The following ETV1 variants were observed in gnomAD, a reference collection of about 807,000 sequenced individuals.
The protein encoded by ETV1 is ETS variant transcription factor 1, also known as ETS translocation variant 1.
In ETV1, 27 loss-of-function variants were observed where a neutral mutation model predicts 62.3. That is an observed-to-expected ratio of 0.43 (90% CI 0.32 to 0.60). The LOEUF is 0.60. Ranked by LOEUF, ETV1 falls within the 20% of genes least tolerant of loss-of-function variation. The pLI, the probability that ETV1 is intolerant of heterozygous loss-of-function variation, is 0.06. For synonymous variants in ETV1, 222 were observed against 199.6 expected (o/e 1.11, Z -0.94); for missense variants, 605 against 605.8 (o/e 1.00, Z 0.01).
At chr7:13,989,497 T>C in intron 1 of ETV1, 33 bp from the exon 2 acceptor site, 1 of 402,230 alleles carries the variant, frequency 2.5e-6, no homozygotes, top group Non-Finnish European at 4.4e-6. Context: ...TTCATCAGGA[T>C]AGTTTTTGCG....
chr7:13,891,634 A>G lies in ETV1; in HGVS notation c.*4232T>C, dbSNP rs900457090. On this transcript the variant is annotated 3_prime_UTR_variant, in exon 14 of 14. Coordinates refer to ENST00000430479, the MANE Select transcript of ETV1 (RefSeq NM_004956.5). The stretch of plus-strand genomic sequence containing the variant: ...ATATAAAAAAAGAAGTCCTAAAAGT[A>G]CTAGTTGAGCTCTGAATAAACTGGG... 1 of 231,950 alleles carries G rather than the reference A, an allele frequency of 4.3e-6. No homozygotes were observed. Among genetic ancestry groups the G allele is most frequent in the Non-Finnish European group, 8.5e-6 (1 of 117,366 alleles). 14.4% of individuals were successfully genotyped at this position (231,950 alleles called of 1,614,324 possible).
chr7:13,901,307 G>A (rs995332040), intron 12 of ETV1, among the ~76,000 whole-genome samples: 2 of 152,126 alleles, frequency 1.3e-5, no homozygotes, highest in African/African-American at 4.8e-5. Flanking sequence ...GCCTGGCCTG[G>A]TTTGCATTTT....
chr7:13,905,990 C>G (rs1045773879), intron 12 of ETV1, among the ~76,000 whole-genome samples: 1 of 152,160 alleles, frequency 6.6e-6, no homozygotes, highest in East Asian at 1.9e-4. Flanking sequence ...CTCTCCAACC[C>G]TCATGACAAA....
chr7:13,944,256 G>C (rs1315855645), intron 6 of ETV1, among the ~76,000 whole-genome samples: 1 of 152,168 alleles, frequency 6.6e-6, no homozygotes, highest in African/African-American at 2.4e-5. Context: ...AGACCGTATG[G>C]TTTATAAACA....
At chr7:13,988,754 C>T in intron 3 of ETV1, 1 of 1,612,486 alleles carries the variant, frequency 6.2e-7, no homozygotes, top group Non-Finnish European at 8.5e-7. Flanking sequence ...CCTCCATCTC[C>T]TCTTCCACTC....
upstream of ETV1, chr7:13,991,001 A>T (rs987563335): frequency 6.6e-6 from 1 of 152,520 alleles, no homozygotes; most frequent in African/African-American, 2.4e-5. Context: ...TACTTAAAAA[A>T]GAAGCAAACA....
At chr7:13,916,961 G>C (rs143279959) in intron 9 of ETV1, among the ~76,000 whole-genome samples, 1 of 150,926 alleles carries the variant, frequency 6.6e-6, no homozygotes, top group African/African-American at 2.4e-5. Context: ...GTAAAGTAAA[G>C]AAAGAAAAAG....
chr7:13,933,495 C>G (rs1298260156), intron 8 of ETV1, among the ~76,000 whole-genome samples: 2 of 152,120 alleles, frequency 1.3e-5, no homozygotes, highest in Non-Finnish European at 2.9e-5. Context: ...ACAGTGGGTT[C>G]AGGAAAAAGT....
chr7:13,974,198 G>C (rs1010110678), intron 6 of ETV1, among the ~76,000 whole-genome samples: 6 of 152,206 alleles, frequency 3.9e-5, no homozygotes, highest in African/African-American at 1.4e-4. Context: ...GAAATAGGAG[G>C]TTCACCAGAT....
intron 6 of ETV1, among the ~76,000 whole-genome samples, chr7:13,966,449 A>G (rs1363124485): frequency 6.6e-6 from 1 of 152,116 alleles, no homozygotes; most frequent in Non-Finnish European, 1.5e-5. Flanking sequence ...CATGGGCAAC[A>G]TGGCAAAACC....
chr7:13,936,920 T>C (rs977199729), intron 7 of ETV1, among the ~76,000 whole-genome samples: 2 of 152,084 alleles, frequency 1.3e-5, no homozygotes, highest in Non-Finnish European at 2.9e-5. Context: ...TGCATGTCTG[T>C]AGGCTCAGAT....
chr7:13,920,441 A>AGTGAGTGT (rs1554295796), intron 9 of ETV1, among the ~76,000 whole-genome samples: 5 of 148,430 alleles, frequency 3.4e-5, no homozygotes, highest in East Asian at 2.0e-4. Context: ...AGAGTGAGTG[A>AGTGAGTGT]GTGTGTGTGT....
chr7:13,961,308 CTT>C (rs1790142704), intron 6 of ETV1, among the ~76,000 whole-genome samples: 1 of 152,102 alleles, frequency 6.6e-6, no homozygotes, highest in African/African-American at 2.4e-5. Context: ...ATAAGGTGAT[CTT>C]TGGTCATTCA....
At chr7:13,934,642 G>T (rs1786578042) in intron 8 of ETV1, among the ~76,000 whole-genome samples, 1 of 152,122 alleles carries the variant, frequency 6.6e-6, no homozygotes, top group Non-Finnish European at 1.5e-5. Context: ...AAAAACAGAA[G>T]ATAAAAATGC....
At chr7:13,961,675 A>T (rs566408332) in intron 6 of ETV1, among the ~76,000 whole-genome samples, 88 of 152,338 alleles carry the variant, frequency 5.8e-4, no homozygotes, top group African/African-American at 2.0e-3. Context: ...AGACCCACAA[A>T]TTAGGGTGTC....
In ETV1 at chr7:13,989,636, C is replaced by T. The variant is rs1583925284; in HGVS notation, c.-358G>A. The T allele has an allele frequency of 2.5e-6, 1 of 399,110 alleles. No individual in the cohort carries two copies. The highest frequency in any genetic ancestry group is 3.6e-5 in the East Asian group (1 of 28,060). 24.7% of individuals were successfully genotyped at this position (399,110 alleles called of 1,614,324 possible). ...AATAAAAACATTAATTATAGCCCAG[C>T]ACTTCCCCCTTGGAAGCCGAAAGCG... On this transcript the variant is annotated 5_prime_UTR_variant, in exon 1 of 14. Coordinates refer to ENST00000430479, the MANE Select transcript of ETV1 (RefSeq NM_004956.5).
rs58090948 is a variant in ETV1, at chr7:13,963,593, T to C, written c.235+13834A>G. Among the ~76,000 whole-genome samples, 1,051 of 151,818 alleles carry C rather than the reference T, an allele frequency of 6.9e-3. 10 individuals carry two copies. Among genetic ancestry groups the C allele is most frequent in the African/African-American group, 0.024 (987 of 41,442 alleles). On this transcript the variant is annotated intron_variant, in intron 6 of 13. Coordinates refer to ENST00000430479, the MANE Select transcript of ETV1 (RefSeq NM_004956.5). ...CGTATATATAGAGAGAGAAGTTTACTGATGACTTCTCATTTTCTTAGAATT... is the reference window on the plus strand; with the variant it reads ...CGTATATATAGAGAGAGAAGTTTACCGATGACTTCTCATTTTCTTAGAATT...
intron 12 of ETV1, among the ~76,000 whole-genome samples, 187 bp from the exon 13 acceptor site, chr7:13,901,026 CAG>C (rs1782364902): frequency 7.3e-6 from 1 of 136,624 alleles, no homozygotes; most frequent in Non-Finnish European, 1.5e-5. Context: ...TTTTTTGAAA[CAG>C]AGTCTTGCTC....
chr7:13,960,909 G>T lies in ETV1; in HGVS notation c.235+16518C>A, dbSNP rs575302386. Among the ~76,000 whole-genome samples the T allele has an allele frequency of 5.9e-5, 9 of 152,258 alleles. No homozygotes were observed. In the South Asian group the frequency reaches 1.9e-3, roughly 32 times the overall value. The stretch of plus-strand genomic sequence containing the variant: ...CTAATGCCTACAATGCCAACACTTT[G>T]TGAGGAAGGATCACTTGGGTCCACA... On this transcript the variant is annotated intron_variant, in intron 6 of 13. Transcript: ENST00000430479.
Sources: gnomAD v4.1 joint callset for allele counts (sites outside exome capture counted in the v4.1 genomes callset) on GRCh38, gnomAD v4.1.1 for gene constraint, MANE v1.5 for transcripts, NCBI Gene and HGNC (gene_info 2026-07-23, HGNC 2026-07-21) for gene names.